The following CLCN6 variants were observed in gnomAD, a reference collection of about 807,000 sequenced individuals.
CLCN6 encodes Cl-/H+ antiporter 6.
A neutral mutation model predicts 109.8 loss-of-function variants in CLCN6; 70 were observed. The ratio of observed to expected loss-of-function variants is 0.64; its 90% CI spans 0.53 to 0.78. CLCN6 has a LOEUF of 0.78. Ranked by LOEUF, CLCN6 falls within the 30% of genes least tolerant of loss-of-function variation. CLCN6 has a pLI of 0.00. For missense variants in CLCN6, 984 were observed against 1,142.3 expected (o/e 0.86, Z 2.00); for synonymous variants, 444 against 447.8 (o/e 0.99, Z 0.11).
intron 2 of CLCN6, among the ~76,000 whole-genome samples, chr1:11,813,068 A>C (rs1644622893): frequency 1.3e-5 from 2 of 152,182 alleles, no homozygotes; most frequent in African/African-American, 2.4e-5. Context: ...TTCCCCACTA[A>C]GAATTATTTC....
At position 11,836,041 on chromosome 1, in the gene CLCN6, G is replaced by A; in HGVS notation, c.1868G>A (p.Ser623Asn). The A allele has an allele frequency of 1.2e-6, 2 of 1,613,906 alleles. No homozygotes were observed. The highest frequency in any genetic ancestry group is 1.7e-6 in the Non-Finnish European group (2 of 1,179,964). ...YPHTRIQSLV[S>N]ILRTTVHHAF... Reference sequence around the variant, plus strand: ...CACACCCGCATCCAGTCTCTGGTGAGCATCCTGCGCACCACGGTCCACCAT... The same window carrying A: ...CACACCCGCATCCAGTCTCTGGTGAACATCCTGCGCACCACGGTCCACCAT... The change falls in exon 18 of 23, where the codon AGC becomes AAC. Residue 623 changes from serine (S) to asparagine (N), a missense_variant. Ser to Asn is a conservative substitution (Grantham distance 46). Transcript: ENST00000346436.
intron 2 of CLCN6, among the ~76,000 whole-genome samples, chr1:11,811,210 A>C (rs1053367036): frequency 1.3e-5 from 2 of 150,284 alleles, no homozygotes; most frequent in African/African-American, 4.9e-5. Flanking sequence ...GACCCTGACA[A>C]AAAAAAAAGG....
At chr1:11,820,476 C>G (rs548645387) in intron 5 of CLCN6, 118 of 688,824 alleles carry the variant, frequency 1.7e-4, no homozygotes, top group Middle Eastern at 1.1e-3. Flanking sequence ...TAAGAAAAAA[C>G]ATCAATGGGG....
chr1:11,834,579 G>A lies in CLCN6; in HGVS notation c.1782G>A (p.Val594=). The part of the protein sequence containing the change: ...GVPLLEWETE[V]EMDKLRASDI... Reference sequence around the variant, plus strand: ...CGCTTCTGGAATGGGAGACAGAGGTGGAAATGGACAAGTAAGGCCATGATT... The same window carrying A: ...CGCTTCTGGAATGGGAGACAGAGGTAGAAATGGACAAGTAAGGCCATGATT... Residue 594 remains valine (V), a synonymous_variant, in exon 17 of 23, where the codon GTG becomes GTA. Coordinates refer to ENST00000346436, the MANE Select transcript of CLCN6 (RefSeq NM_001286.5). The surrounding 1 kb of genome is among the most constrained non-coding windows in gnomAD (Gnocchi z 4.5). 1 of 1,613,880 alleles carries A rather than the reference G, an allele frequency of 6.2e-7. No homozygotes were observed. The highest frequency in any genetic ancestry group is 1.1e-5 in the South Asian group (1 of 91,074).
chr1:11,835,875 T>A, intron 17 of CLCN6, 92 bp from the exon 18 acceptor site: 1 of 1,016,642 alleles, frequency 9.8e-7, no homozygotes, highest in Non-Finnish European at 1.4e-6. Flanking sequence ...ACCCCGCCCG[T>A]GGTCTGAGCA....
intron 17 of CLCN6, among the ~76,000 whole-genome samples, chr1:11,835,165 T>C (rs1644928856): frequency 6.6e-6 from 1 of 152,256 alleles, no homozygotes; most frequent in African/African-American, 2.4e-5. Context: ...ACTACTCGAC[T>C]CTGTCATTGC....
chr1:11,833,879 A>T lies in CLCN6; in HGVS notation c.1375A>T (p.Thr459Ser), dbSNP rs773472768. 1.3e-5 allele frequency: 21 copies of T among 1,608,848 alleles called. No individual in the cohort carries two copies. The South Asian group carries it at 2.3e-4, about 18-fold the overall frequency. ...AILQLFHQDG[T>S]FSPVTLALFF... ...TCAGGTTGGCTCTTCCCTTGCAGGT[A>T]CTTTCAGCCCCGTCACTCTGGCCTT... Residue 459 changes from threonine to serine, a missense_variant and splice_region_variant, in exon 15 of 23, where the codon ACT (threonine) becomes TCT (serine). By Grantham distance (58) the Thr-to-Ser change is moderately conservative (BLOSUM62 1). Coordinates refer to ENST00000346436, the MANE Select transcript of CLCN6 (RefSeq NM_001286.5).
intron 6 of CLCN6, among the ~76,000 whole-genome samples, chr1:11,823,248 G>A (rs975907283): frequency 3.9e-5 from 6 of 152,174 alleles, no homozygotes; most frequent in African/African-American, 1.4e-4. Context: ...CCTAAGATCG[G>A]GAGTTTGAGA....
At chr1:11,815,058 T>C (rs112651400) in intron 2 of CLCN6, among the ~76,000 whole-genome samples, 3,676 of 150,968 alleles carry the variant, frequency 0.024, 64 homozygotes, top group Middle Eastern at 0.038. Context: ...AAAGTGGAAG[T>C]TGCTTTTAAA....
chr1:11,817,196 G>A (rs116389998), intron 4 of CLCN6, among the ~76,000 whole-genome samples: 366 of 152,260 alleles, frequency 2.4e-3, no homozygotes, highest in African/African-American at 8.6e-3. Flanking sequence ...GGGCTTGGGT[G>A]ATCCTCCTAC....
Position 11,841,028 on chromosome 1 carries a change from G to A in CLCN6, c.*805G>A, listed in dbSNP as rs1645016812. On this transcript the variant is annotated 3_prime_UTR_variant, in exon 23 of 23. Transcript: ENST00000346436. ...CCCAGATCCTTTTTCATTTCCTTAAGTTTTGATCTCCGTCTTCCTGATGAA... is the reference window on the plus strand; with the variant it reads ...CCCAGATCCTTTTTCATTTCCTTAAATTTTGATCTCCGTCTTCCTGATGAA... The A allele has an allele frequency of 6.6e-6, 1 of 152,406 alleles. No individual in the cohort carries two copies. The highest frequency in any genetic ancestry group is 1.5e-5 in the Non-Finnish European group (1 of 68,050). The allele number at this position is 152,406 out of a possible 1,614,324, so 9.4% of individuals were successfully genotyped here. A position where few individuals can be genotyped will look rare whatever the true frequency, so the allele number is the denominator to read the frequency against.
In CLCN6 at chr1:11,822,188, G is replaced by A. The variant is rs180894051; in HGVS notation, c.347-507G>A. Among the ~76,000 whole-genome samples, 339 of 152,238 alleles carry A rather than the reference G, an allele frequency of 2.2e-3. 3 individuals are homozygous for A. The highest frequency in any genetic ancestry group is 7.7e-3 in the African/African-American group (318 of 41,534). On this transcript the variant is annotated intron_variant, in intron 5 of 22. Transcript: ENST00000346436. ...GTTGAGATTTGTTAAAGCTACAGTT[G>A]TGAGGGTATGGGTATTCGTTACTTT...
At chr1:11,836,811 C>T (rs1644955888) in intron 18 of CLCN6, among the ~76,000 whole-genome samples, 188 bp from the exon 19 acceptor site, 1 of 152,210 alleles carries the variant, frequency 6.6e-6, no homozygotes, top group Non-Finnish European at 1.5e-5. Flanking sequence ...ACAGAAGCTG[C>T]AGCCAGGTCC....
At chr1:11,837,301 C>A (rs201921832) in intron 19 of CLCN6, 42 bp from the exon 20 acceptor site, 1 of 1,596,420 alleles carries the variant, frequency 6.3e-7, no homozygotes, top group Admixed American at 1.7e-5. Flanking sequence ...GAAGCGCTCC[C>A]GCTGAGGGTA....
At chr1:11,837,322 C>T (rs760588597) in intron 19 of CLCN6, 21 bp from the exon 20 acceptor site, 16 of 1,601,098 alleles carry the variant, frequency 1.0e-5, no homozygotes, top group Non-Finnish European at 1.4e-5. Context: ...TCCCAGGCAG[C>T]ATCTGGTTTT....
At position 11,838,416 on chromosome 1, in the gene CLCN6, A is replaced by C; in HGVS notation, c.2377A>C (p.Thr793Pro). ...RYPDIHDLDL[T>P]LLNPRMIVDV... is the part of the protein sequence containing the mutation. ...CCCCGACATCCACGACCTGGACCTG[A>C]CGCTGCTCAACCCGCGCATGATCGT... The change falls in exon 21 of 23, where the codon ACG becomes CCG. Residue 793 changes from threonine to proline, a missense_variant. Coordinates refer to ENST00000346436, the MANE Select transcript of CLCN6 (RefSeq NM_001286.5). The C allele has an allele frequency of 1.2e-6, 2 of 1,614,060 alleles. No individual in the cohort carries two copies. The highest frequency in any genetic ancestry group is 1.7e-6 in the Non-Finnish European group (2 of 1,180,010).
chr1:11,812,670 G>A lies in CLCN6; in HGVS notation c.148-3176G>A, dbSNP rs1264267222. Among the ~76,000 whole-genome samples, 13 of 69,330 alleles carry A rather than the reference G, an allele frequency of 1.9e-4. No homozygotes were observed. In the East Asian group the frequency reaches 3.4e-3, roughly 18 times the overall value. The allele number at this position is 69,330 out of a possible 152,430, so 45.5% of individuals were successfully genotyped here. ...AAAAAAAGACAAAGTATGTTTGTGT[G>A]TGTGTGTGTGTGTGTGTGTGTGTGT... On this transcript the variant is annotated intron_variant, in intron 2 of 22. Coordinates refer to ENST00000346436, the MANE Select transcript of CLCN6 (RefSeq NM_001286.5).
chr1:11,812,262 T>C (rs1047541796), intron 2 of CLCN6, among the ~76,000 whole-genome samples: 1 of 152,136 alleles, frequency 6.6e-6, no homozygotes, highest in African/African-American at 2.4e-5. Context: ...AGTTTATTAA[T>C]AAAGGATATC....
At position 11,838,397 on chromosome 1, in the gene CLCN6, C is replaced by G. The variant is rs747422495; in HGVS notation, c.2358C>G (p.Asp786Glu). Reference sequence around the variant, plus strand: ...CCGAGGACTACCCGCGGTACCCCGACATCCACGACCTGGACCTGACGCTGC... The same window carrying G: ...CCGAGGACTACCCGCGGTACCCCGAGATCCACGACCTGGACCTGACGCTGC... Reference protein sequence around the residue: ...EMAEDYPRYPDIHDLDLTLLN... With the variant: ...EMAEDYPRYPEIHDLDLTLLN... The change falls in exon 21 of 23, where the codon GAC becomes GAG. Residue 786 changes from aspartate to glutamate, a missense_variant. Physicochemically the swap from Asp to Glu is conservative, Grantham distance 45. Coordinates refer to ENST00000346436, the MANE Select transcript of CLCN6 (RefSeq NM_001286.5). 3 of 1,614,050 alleles carry G rather than the reference C, an allele frequency of 1.9e-6. No homozygotes were observed. The Admixed American group carries it at 5.0e-5, about 27-fold the overall frequency.
Sources: gnomAD v4.1 joint callset for allele counts (sites outside exome capture counted in the v4.1 genomes callset) on GRCh38, gnomAD v4.1.1 for gene constraint, Gnocchi (gnomAD v3.1) non-coding constraint, MANE v1.5 for transcripts, NCBI Gene and HGNC (gene_info 2026-07-23, HGNC 2026-07-21) for gene names.